Variants in NRG1 observed in about 807,000 individuals in gnomAD.
NRG1 encodes the protein neuregulin 1, also known as pro-neuregulin-1, membrane-bound isoform.
A neutral mutation model predicts 63.8 loss-of-function variants in NRG1; 18 were observed. The ratio of observed to expected loss-of-function variants is 0.28; its 90% CI spans 0.19 to 0.42. The LOEUF is 0.42. Among genes scored for constraint, NRG1 ranks in the 10% least tolerant of loss-of-function variants. NRG1 has a pLI of 1.00. For missense variants in NRG1, 762 were observed against 814.7 expected (o/e 0.94, Z 0.79); for synonymous variants, 302 against 301.3 (o/e 1.00, Z -0.02).
chr8:32,573,214 A>T (rs2466096), intron 1 of NRG1, among the ~76,000 whole-genome samples: 113,933 of 152,092 alleles, frequency 0.75, 43,245 homozygotes, highest in East Asian at 0.88. Context: ...ACCTGCCAAT[A>T]CTTATTGCTA....
chr8:32,145,402 A>G (rs1425188375), intron 1 of NRG1, among the ~76,000 whole-genome samples: 1 of 152,182 alleles, frequency 6.6e-6, no homozygotes, highest in East Asian at 1.9e-4. Flanking sequence ...TATTTCCCAT[A>G]AAGATATATT....
At chr8:32,340,305 G>C (rs1803904060) in intron 1 of NRG1, among the ~76,000 whole-genome samples, 1 of 152,164 alleles carries the variant, frequency 6.6e-6, no homozygotes, top group African/African-American at 2.4e-5. Flanking sequence ...CTTAATGACA[G>C]GTGCAATTCT....
intron 1 of NRG1, among the ~76,000 whole-genome samples, chr8:31,812,504 G>T (rs977396427): frequency 6.6e-6 from 1 of 151,548 alleles, no homozygotes; most frequent in Non-Finnish European, 1.5e-5. Context: ...CCAATTAGGG[G>T]TTTTTCCAGT....
Position 31,640,685 on chromosome 8 carries a change from G to C in NRG1, c.37+1254G>C. The C allele has an allele frequency of 6.2e-7, 1 of 1,606,048 alleles. No homozygotes were observed. The highest frequency in any genetic ancestry group is 1.7e-5 in the Admixed American group (1 of 59,498). On this transcript the variant is annotated intron_variant, in intron 1 of 10. Transcript: ENST00000519301. This position sits in a 1 kb window ranked among gnomAD's most constrained non-coding sequence, Gnocchi z 6.3. ...TCTTTCCCCCCTCTGGAGACGGGCC[G>C]GAACCTCAAGAAGGAGGTCAGCCGG...
At chr8:31,914,006 C>G (rs1585709178) in intron 1 of NRG1, among the ~76,000 whole-genome samples, 2 of 152,148 alleles carry the variant, frequency 1.3e-5, no homozygotes, top group Admixed American at 1.3e-4. Flanking sequence ...TAGCAACCCA[C>G]TAATTGGAAG....
At chr8:32,701,003 C>A (rs1814727632) in intron 5 of NRG1, among the ~76,000 whole-genome samples, 3 of 152,108 alleles carry the variant, frequency 2.0e-5, no homozygotes, top group Admixed American at 2.0e-4. Context: ...CCTCCCACAC[C>A]ATGCTGGCCC....
intron 1 of NRG1, among the ~76,000 whole-genome samples, chr8:32,159,006 G>A (rs978722220): frequency 1.3e-5 from 2 of 152,068 alleles, no homozygotes; most frequent in Non-Finnish European, 2.9e-5. Flanking sequence ...GGGAGTCATC[G>A]ACATGTCATC....
In NRG1 at chr8:32,268,735, G is replaced by A. The variant is rs370154234; in HGVS notation, c.38-327093G>A. 7.0e-4 allele frequency among the ~76,000 whole-genome samples: 106 copies of A among 152,208 alleles called. 2 individuals are homozygous for A. The South Asian group carries it at 0.021, about 30-fold the overall frequency. ...AACAGTGTCTCAGTGTTTCCCTCCT[G>A]TAATTTTTCCACACATTATGCACTG... On this transcript the variant is annotated intron_variant, in intron 1 of 10. Coordinates refer to the NRG1 transcript ENST00000519301.
chr8:31,821,083 A>G (rs1254028994), intron 1 of NRG1, among the ~76,000 whole-genome samples: 2 of 152,220 alleles, frequency 1.3e-5, no homozygotes, highest in Non-Finnish European at 2.9e-5. Flanking sequence ...TGCATAATAC[A>G]ATGTAACTGC....
intron 1 of NRG1, among the ~76,000 whole-genome samples, chr8:32,407,294 T>TTATATA (rs1226138188): frequency 5.3e-4 from 2 of 3,768 alleles, no homozygotes; most frequent in African/African-American, 7.9e-4. Flanking sequence ...TATATATATA[T>TTATATA]TATATATATA....
At position 31,939,600 on chromosome 8, in the gene NRG1, T is replaced by C. The variant is rs55691056; in HGVS notation, c.37+300169T>C. Among the ~76,000 whole-genome samples, 680 of 152,056 alleles carry C rather than the reference T, an allele frequency of 4.5e-3. 2 individuals are homozygous for C. Among genetic ancestry groups the C allele is most frequent in the Middle Eastern group, 0.014 (4 of 294 alleles). On this transcript the variant is annotated intron_variant, in intron 1 of 10. Transcript: ENST00000519301. ...TAACATTGAATGTAAATAGCCTAAATGCACCTCTTAAAAGATACAGAATGG... is the reference window on the plus strand; with the variant it reads ...TAACATTGAATGTAAATAGCCTAAACGCACCTCTTAAAAGATACAGAATGG...
chr8:31,924,896 A>G lies in NRG1; in HGVS notation c.37+285465A>G, dbSNP rs190915211. On this transcript the variant is annotated intron_variant, in intron 1 of 10. Coordinates refer to the NRG1 transcript ENST00000519301. The stretch of plus-strand genomic sequence containing the variant: ...AAAATATGTTGCTTAAATTTAAATG[A>G]TTTGAAGATTATGTAGTTATTTTTC... 7.9e-4 allele frequency among the ~76,000 whole-genome samples: 119 copies of G among 151,546 alleles called. 1 individual carries two copies. The highest frequency in any genetic ancestry group is 1.6e-3 in the Non-Finnish European group (106 of 67,798).
Position 32,431,999 on chromosome 8 carries a change from G to A in NRG1, c.38-163829G>A, listed in dbSNP as rs550907113. Among the ~76,000 whole-genome samples, 9 of 152,234 alleles carry A rather than the reference G, an allele frequency of 5.9e-5. No individual in the cohort carries two copies. In the East Asian group the frequency reaches 1.7e-3, roughly 29 times the overall value. ...TATTATTTATTGGGTTGAAGTGTTG[G>A]CCTCCCAAAGGGCAATGGTGATTTA... On this transcript the variant is annotated intron_variant, in intron 1 of 10. Coordinates refer to the NRG1 transcript ENST00000519301.
At chr8:32,367,038 T>C (rs1041439029) in intron 1 of NRG1, among the ~76,000 whole-genome samples, 3 of 152,054 alleles carry the variant, frequency 2.0e-5, no homozygotes, top group Admixed American at 6.6e-5. Context: ...CATTCATCCA[T>C]TGATGGACAT....
chr8:32,302,747 C>T (rs1232460283), intron 1 of NRG1, among the ~76,000 whole-genome samples: 1 of 139,704 alleles, frequency 7.2e-6, no homozygotes, highest in Non-Finnish European at 1.6e-5. Context: ...GTGATGTAAC[C>T]ATATGCCAAT....
intron 1 of NRG1, among the ~76,000 whole-genome samples, chr8:32,242,378 G>A (rs1563222458): frequency 6.6e-6 from 1 of 152,130 alleles, no homozygotes; most frequent in Admixed American, 6.6e-5. Flanking sequence ...GGAGGCTTAG[G>A]CAGGAGAATC....
At chr8:32,166,848 T>G (rs1839451340) in intron 1 of NRG1, among the ~76,000 whole-genome samples, 1 of 152,154 alleles carries the variant, frequency 6.6e-6, no homozygotes, top group African/African-American at 2.4e-5. Context: ...AGTTTAATGG[T>G]TTTTGTAATG....
intron 1 of NRG1, among the ~76,000 whole-genome samples, chr8:32,152,128 C>G (rs548582213): frequency 1.3e-5 from 2 of 152,328 alleles, no homozygotes; most frequent in Admixed American, 1.3e-4. Context: ...TATTGTTCAG[C>G]TATTCCTTTA....
In NRG1 at chr8:32,615,367, T is replaced by C. The variant is rs543056098; in HGVS notation, c.451+803T>C. Among the ~76,000 whole-genome samples the C allele has an allele frequency of 4.5e-4, 68 of 152,178 alleles. 1 individual carries two copies. The highest frequency in any genetic ancestry group is 1.6e-3 in the African/African-American group (65 of 41,556). ...ATTCATCTCAGAGGTACAATGGTAA[T>C]TTGGTTTTGCATGGTGCCTTTTCTT... On this transcript the variant is annotated intron_variant, in intron 4 of 11. Transcript: ENST00000356819.
Sources: gnomAD v4.1 joint callset for allele counts (sites outside exome capture counted in the v4.1 genomes callset) on GRCh38, gnomAD v4.1.1 for gene constraint, Gnocchi (gnomAD v3.1) non-coding constraint, MANE v1.5 for transcripts, NCBI Gene and HGNC (gene_info 2026-07-23, HGNC 2026-07-21) for gene names.